CNTN5: variants seen among roughly 807,000 people sequenced by gnomAD.
CNTN5 encodes contactin-5.
In CNTN5, 77 loss-of-function variants were observed where a neutral mutation model predicts 129.1. That is an observed-to-expected ratio of 0.60 (90% CI 0.50 to 0.72). The LOEUF (loss-of-function observed/expected upper bound fraction) is 0.72. Among genes scored for constraint, CNTN5 ranks in the 30% least tolerant of loss-of-function variants. CNTN5 has a pLI of 0.00. For synonymous variants in CNTN5, 509 were observed against 465.6 expected, an observed-to-expected ratio of 1.09 and a Z score of -1.20; for missense variants, 1,478 against 1,328.8, an observed-to-expected ratio of 1.11 and a Z score of -1.75.
intron 21 of CNTN5, among the ~76,000 whole-genome samples, chr11:100,334,541 A>C (rs1273897017): frequency 6.6e-6 from 1 of 152,192 alleles, no homozygotes. Flanking sequence ...ATGTTCATCA[A>C]TCAATGAGTG....
At chr11:99,474,996 G>A (rs1056946569) in intron 2 of CNTN5, among the ~76,000 whole-genome samples, 3 of 152,024 alleles carry the variant, frequency 2.0e-5, no homozygotes, top group Non-Finnish European at 4.4e-5. Context: ...GGTCTTATAA[G>A]AAGTGACTAG....
At chr11:99,989,352 T>C (rs1938898649) in intron 8 of CNTN5, among the ~76,000 whole-genome samples, 1 of 152,194 alleles carries the variant, frequency 6.6e-6, no homozygotes. Context: ...AGAAGTGTTA[T>C]TGGCTGTTGG....
chr11:99,622,331 G>T (rs1433452935), intron 3 of CNTN5, among the ~76,000 whole-genome samples: 1 of 152,080 alleles, frequency 6.6e-6, no homozygotes, highest in Non-Finnish European at 1.5e-5. Flanking sequence ...TGAAATTAAA[G>T]CCCTATAGTA....
chr11:100,315,061 G>A (rs73565617), intron 21 of CNTN5, among the ~76,000 whole-genome samples: 1 of 152,044 alleles, frequency 6.6e-6, no homozygotes, highest in Non-Finnish European at 1.5e-5. Flanking sequence ...TTTGTATTTT[G>A]CTTCAATCCT....
intron 3 of CNTN5, among the ~76,000 whole-genome samples, chr11:99,612,301 G>A (rs947646443): frequency 6.6e-6 from 1 of 152,118 alleles, no homozygotes; most frequent in African/African-American, 2.4e-5. Context: ...ATGGGTTTTT[G>A]GAGTTTGGGG....
intron 2 of CNTN5, among the ~76,000 whole-genome samples, chr11:99,444,244 A>T (rs756761473): frequency 1.2e-4 from 18 of 152,114 alleles, no homozygotes; most frequent in Non-Finnish European, 2.1e-4. Flanking sequence ...GAAAGAAAAT[A>T]TATCATTTGT....
chr11:99,285,212 A>G (rs1400712692), intron 1 of CNTN5, among the ~76,000 whole-genome samples: 2 of 152,240 alleles, frequency 1.3e-5, no homozygotes, highest in African/African-American at 4.8e-5. Context: ...TAACTAACAT[A>G]ATTTGTTATT....
intron 3 of CNTN5, among the ~76,000 whole-genome samples, chr11:99,686,384 G>A (rs1405028517): frequency 6.6e-6 from 1 of 151,738 alleles, no homozygotes; most frequent in Non-Finnish European, 1.5e-5. Context: ...TCTGTGGTTA[G>A]GTAGAGAATT....
intron 3 of CNTN5, among the ~76,000 whole-genome samples, chr11:99,769,787 G>T (rs1198556762): frequency 6.9e-6 from 1 of 145,804 alleles, no homozygotes; most frequent in Non-Finnish European, 1.5e-5. Flanking sequence ...CTGCACTCCA[G>T]ACTGGGCAAT....
In CNTN5 at chr11:99,703,279, A is replaced by C. The variant is rs1403968807; in HGVS notation, c.56-116265A>C. 2.1e-5 allele frequency among the ~76,000 whole-genome samples: 3 copies of C among 144,088 alleles called. No homozygotes were observed. In the Admixed American group the frequency reaches 2.1e-4, roughly 10 times the overall value. 94.5% of individuals were successfully genotyped at this position (144,088 alleles called of 152,430 possible). ...ATGACAGTGTGCTTGCTTTCTAATC[A>C]AGATTAAAACAAGCCATACTGATGC... On this transcript the variant is annotated intron_variant, in intron 3 of 24. Coordinates refer to ENST00000524871, the MANE Select transcript of CNTN5 (RefSeq NM_014361.4).
intron 1 of CNTN5, among the ~76,000 whole-genome samples, chr11:99,187,544 G>T (rs936266181): frequency 6.6e-6 from 1 of 151,644 alleles, no homozygotes; most frequent in Non-Finnish European, 1.5e-5. Context: ...TAATATCAAT[G>T]TTTTAACTAC....
chr11:99,653,255 CTCTT>C (rs1952227023), intron 3 of CNTN5, among the ~76,000 whole-genome samples: 1 of 151,936 alleles, frequency 6.6e-6, no homozygotes, highest in African/African-American at 2.4e-5. Context: ...AAAGAATTGT[CTCTT>C]TCATTTTCCC....
chr11:99,902,792 T>C (rs1015621608), intron 6 of CNTN5, among the ~76,000 whole-genome samples: 520 of 152,300 alleles, frequency 3.4e-3, no homozygotes, highest in African/African-American at 0.012. Context: ...AAAGATTATT[T>C]TACATACTAG....
rs915391143 is a variant in CNTN5 at position 99,404,180 on chromosome 11, CT to C, written c.-71+78704del. Among the ~76,000 whole-genome samples the C allele has an allele frequency of 4.4e-4, 67 of 151,080 alleles. 6 individuals carry two copies. The highest frequency in any genetic ancestry group is 4.2e-4 in the South Asian group (2 of 4,762). On this transcript the variant is annotated intron_variant, in intron 2 of 24. Coordinates refer to ENST00000524871, the MANE Select transcript of CNTN5 (RefSeq NM_014361.4). ...TGTTGCATTAGTATAGCTGTTTCTG[CT>C]TTTTTTTGGTTTCTATTGTCATGGA...
At chr11:100,129,023 A>G (rs1195531623) in intron 13 of CNTN5, among the ~76,000 whole-genome samples, 10 of 152,156 alleles carry the variant, frequency 6.6e-5, no homozygotes, top group Non-Finnish European at 1.2e-4. Flanking sequence ...GTTTTCTCCA[A>G]TAGATTTAAG....
chr11:99,628,406 G>T (rs2135790770), intron 3 of CNTN5, among the ~76,000 whole-genome samples: 1 of 152,102 alleles, frequency 6.6e-6, no homozygotes, highest in Non-Finnish European at 1.5e-5. Context: ...AATTATGCCA[G>T]TGTTAAAGTA....
At chr11:99,859,292 A>G (rs929253051) in intron 6 of CNTN5, among the ~76,000 whole-genome samples, 14 of 152,196 alleles carry the variant, frequency 9.2e-5, no homozygotes, top group Non-Finnish European at 1.9e-4. Context: ...TAACGTATGT[A>G]ATATATCTGA....
chr11:99,125,428 A>G (rs1443889470), intron 1 of CNTN5, among the ~76,000 whole-genome samples: 1 of 152,106 alleles, frequency 6.6e-6, no homozygotes, highest in African/African-American at 2.4e-5. Context: ...AACCCTCAAT[A>G]TACTAGGCAA....
At chr11:100,285,160 A>C (rs1191369390) in intron 18 of CNTN5, among the ~76,000 whole-genome samples, 1 of 152,224 alleles carries the variant, frequency 6.6e-6, no homozygotes, top group African/African-American at 2.4e-5. Flanking sequence ...AATTTAAATG[A>C]GTTATTACTT....
Sources: allele counts gnomAD v4.1 joint callset (sites outside exome capture counted in the v4.1 genomes callset), GRCh38; gene constraint gnomAD v4.1.1; transcripts MANE v1.5; gene names NCBI Gene and HGNC (gene_info 2026-07-23, HGNC 2026-07-21).